KIRREL3: variants seen among roughly 807,000 people sequenced by gnomAD.
The protein encoded by KIRREL3 is kirre like nephrin family adhesion molecule 3, also known as kin of IRRE-like protein 3.
Under a neutral mutation model 89.7 loss-of-function variants are expected in KIRREL3, and 36 were observed. The ratio of observed to expected loss-of-function variants is 0.40; its 90% CI spans 0.31 to 0.53. The LOEUF (loss-of-function observed/expected upper bound fraction) is 0.53, where lower values mean the gene tolerates loss of function less well. Ranked by LOEUF, KIRREL3 falls within the 20% of genes least tolerant of loss-of-function variation. The pLI is 0.49. For synonymous variants in KIRREL3, 445 were observed against 441.4 expected, an observed-to-expected ratio of 1.01 and a Z score of -0.10; for missense variants, 864 against 1,056.6, an observed-to-expected ratio of 0.82 and a Z score of 2.53.
Position 126,496,292 on chromosome 11 carries a change from C to T in KIRREL3, c.434-22826G>A, listed in dbSNP as rs778761125. Among the ~76,000 whole-genome samples the T allele has an allele frequency of 2.0e-5, 3 of 152,198 alleles. No individual in the cohort carries two copies. The highest frequency in any genetic ancestry group is 6.5e-5 in the Admixed American group (1 of 15,288). Reference sequence around the variant, plus strand: ...CTGTTTGCAAAATGCTTTCTATACACGTTCATCTTTCTCTTTACCAGAACC... The same window carrying T: ...CTGTTTGCAAAATGCTTTCTATACATGTTCATCTTTCTCTTTACCAGAACC... On this transcript the variant is annotated intron_variant, in intron 4 of 16. Coordinates refer to ENST00000525144, the MANE Select transcript of KIRREL3 (RefSeq NM_032531.4). The surrounding 1 kb of genome is among the most constrained non-coding windows in gnomAD (Gnocchi z 4.9).
At chr11:126,437,461 C>T (rs1049042591) in intron 11 of KIRREL3, among the ~76,000 whole-genome samples, 1 of 152,118 alleles carries the variant, frequency 6.6e-6, no homozygotes, top group Non-Finnish European at 1.5e-5. Context: ...ACACACACAC[C>T]ACACTACAAA....
rs1398443557 is a variant in KIRREL3 at position 126,574,199 on chromosome 11, C to T, written c.56-11287G>A. On this transcript the variant is annotated intron_variant, in intron 1 of 16. Coordinates refer to ENST00000525144, the MANE Select transcript of KIRREL3 (RefSeq NM_032531.4). This position sits in a 1 kb window ranked among gnomAD's most constrained non-coding sequence, Gnocchi z 5.3. Reference sequence around the variant, plus strand: ...TTTAACCCTAAACATTTATGGAGGACACTGAGGATGAGAGAGGTTCCACAA... The same window carrying T: ...TTTAACCCTAAACATTTATGGAGGATACTGAGGATGAGAGAGGTTCCACAA... 6.6e-6 allele frequency among the ~76,000 whole-genome samples: 1 copy of T among 152,116 alleles called. No individual in the cohort carries two copies. The highest frequency in any genetic ancestry group is 1.5e-5 in the Non-Finnish European group (1 of 68,028).
In KIRREL3 at chr11:126,601,316, G is replaced by A. The variant is rs141288914; in HGVS notation, c.56-38404C>T. On this transcript the variant is annotated intron_variant, in intron 1 of 16. Coordinates refer to ENST00000525144, the MANE Select transcript of KIRREL3 (RefSeq NM_032531.4). This position sits in a 1 kb window ranked among gnomAD's most constrained non-coding sequence, Gnocchi z 5.8. ...GCAGAGAGACTGAGCGGCAGCCGTGGGCATCTTGGGTTTTGCAGCTCAGCC... is the reference window on the plus strand; with the variant it reads ...GCAGAGAGACTGAGCGGCAGCCGTGAGCATCTTGGGTTTTGCAGCTCAGCC... Among the ~76,000 whole-genome samples, 3 of 152,270 alleles carry A rather than the reference G, an allele frequency of 2.0e-5. No individual in the cohort carries two copies. In the East Asian group the frequency reaches 5.8e-4, roughly 29 times the overall value.
chr11:126,804,278 T>C (rs1951134381), intron 1 of KIRREL3, among the ~76,000 whole-genome samples: 1 of 152,222 alleles, frequency 6.6e-6, no homozygotes, highest in Non-Finnish European at 1.5e-5. Flanking sequence ...CAAGAATCTC[T>C]GAGTTCTGTG....
At position 126,790,236 on chromosome 11, in the gene KIRREL3, C is replaced by T. The variant is rs1950596715; in HGVS notation, c.55+210219G>A. 2.6e-5 allele frequency among the ~76,000 whole-genome samples: 4 copies of T among 152,316 alleles called. No homozygotes were observed. In the South Asian group the frequency reaches 6.2e-4, roughly 24 times the overall value. ...TGAGGTCACCGAACATTGCACTGGGCTTTAAGCATTCATTGACTGATTAGA... is the reference window on the plus strand; with the variant it reads ...TGAGGTCACCGAACATTGCACTGGGTTTTAAGCATTCATTGACTGATTAGA... On this transcript the variant is annotated intron_variant, in intron 1 of 16. Coordinates refer to ENST00000525144, the MANE Select transcript of KIRREL3 (RefSeq NM_032531.4).
At chr11:126,702,933 C>T (rs1947366273) in intron 1 of KIRREL3, among the ~76,000 whole-genome samples, 1 of 152,262 alleles carries the variant, frequency 6.6e-6, no homozygotes, top group Non-Finnish European at 1.5e-5. Flanking sequence ...CCATTCCTTG[C>T]AAGGTCAGCC....
intron 1 of KIRREL3, among the ~76,000 whole-genome samples, chr11:126,798,802 A>G (rs562637414): frequency 1.6e-4 from 25 of 152,360 alleles, no homozygotes; most frequent in African/African-American, 6.0e-4. Context: ...TGAGGAGGCA[A>G]AATGCTATAA....
chr11:126,662,385 G>A (rs749202226), intron 1 of KIRREL3, among the ~76,000 whole-genome samples: 3 of 152,226 alleles, frequency 2.0e-5, no homozygotes, highest in Non-Finnish European at 4.4e-5. Flanking sequence ...TAGTGTCTTA[G>A]TCCCTTCGTG....
intron 1 of KIRREL3, among the ~76,000 whole-genome samples, chr11:126,581,963 G>A (rs1941574243): frequency 6.6e-6 from 1 of 152,212 alleles, no homozygotes; most frequent in South Asian, 2.1e-4. Flanking sequence ...ACAAGGGCAT[G>A]TATTCATTGT....
chr11:126,498,989 CA>C lies in KIRREL3; in HGVS notation c.433+22325del, dbSNP rs1591637939. On this transcript the variant is annotated intron_variant, in intron 4 of 16. Transcript: ENST00000525144. The surrounding 1 kb of genome is among the most constrained non-coding windows in gnomAD (Gnocchi z 4.3). The stretch of plus-strand genomic sequence containing the variant: ...AGACCAGCTTGGGCAACATGGCCAG[CA>C]TTTAATGCAAAAATTAGCCAGGTGT... 1.3e-5 allele frequency among the ~76,000 whole-genome samples: 2 copies of C among 152,048 alleles called. No individual in the cohort carries two copies. The highest frequency in any genetic ancestry group is 4.8e-5 in the African/African-American group (2 of 41,402).
intron 2 of KIRREL3, among the ~76,000 whole-genome samples, chr11:126,529,607 A>C (rs1958879507): frequency 6.8e-6 from 1 of 147,540 alleles, no homozygotes. Flanking sequence ...GGTCTCAAAA[A>C]AAAAAAAAAA....
rs147218473 is a variant in KIRREL3 at position 126,456,057 on chromosome 11, T to TTTTTTTTTTTTTTTTTTC, written c.848+291_848+292insGAAAAAAAAAAAAAAAAA. On this transcript the variant is annotated intron_variant, in intron 7 of 16. Coordinates refer to ENST00000525144, the MANE Select transcript of KIRREL3 (RefSeq NM_032531.4). ...TGTTTTCGTTTTTTTTTTTTTTTTT[T>TTTTTTTTTTTTTTTTTTC]CCTGAGCCTTTTCCCCATGTTTGGA... Among the ~76,000 whole-genome samples the TTTTTTTTTTTTTTTTTTC allele has an allele frequency of 1.6e-4, 18 of 109,740 alleles. 1 individual carries two copies. The highest frequency in any genetic ancestry group is 2.1e-4 in the Non-Finnish European group (12 of 56,636). The allele number at this position is 109,740 out of a possible 152,430, so 72.0% of individuals were successfully genotyped here. A position where few individuals can be genotyped will look rare whatever the true frequency, so the allele number is the denominator to read the frequency against.
intron 1 of KIRREL3, among the ~76,000 whole-genome samples, chr11:126,824,924 G>A (rs1046632386): frequency 6.6e-6 from 1 of 152,146 alleles, no homozygotes; most frequent in East Asian, 1.9e-4. Context: ...GGCCCACAAG[G>A]AATTTCCTCT....
chr11:126,517,687 C>T (rs1958462726), intron 4 of KIRREL3, among the ~76,000 whole-genome samples: 1 of 152,192 alleles, frequency 6.6e-6, no homozygotes, highest in African/African-American at 2.4e-5. Flanking sequence ...GGAGGGATGG[C>T]CCAATTTCCT....
At chr11:126,596,284 A>AT (rs35378597) in intron 1 of KIRREL3, among the ~76,000 whole-genome samples, 48,566 of 152,136 alleles carry the variant, frequency 0.32, 7,960 homozygotes, top group Admixed American at 0.45. Flanking sequence ...GGCATATGGT[A>AT]GATGTTGAGT....
Position 126,609,258 on chromosome 11 carries a change from G to T in KIRREL3, c.56-46346C>A, listed in dbSNP as rs1221663991. On this transcript the variant is annotated intron_variant, in intron 1 of 16. Transcript: ENST00000525144. This position sits in a 1 kb window ranked among gnomAD's most constrained non-coding sequence, Gnocchi z 5.0. ...AGCCACACCTGTGAAGCTCCAGGCA[G>T]TTTCCCTAATGTCTCTCCTTAGCCT... 6.6e-6 allele frequency among the ~76,000 whole-genome samples: 1 copy of T among 152,202 alleles called. No individual in the cohort carries two copies. Among genetic ancestry groups the T allele is most frequent in the Non-Finnish European group, 1.5e-5 (1 of 68,042 alleles).
In KIRREL3 at chr11:126,664,365, C is replaced by T. The variant is rs189993931; in HGVS notation, c.56-101453G>A. Among the ~76,000 whole-genome samples the T allele has an allele frequency of 1.3e-3, 191 of 152,182 alleles. 1 individual carries two copies. Among genetic ancestry groups the T allele is most frequent in the African/African-American group, 4.5e-3 (185 of 41,518 alleles). On this transcript the variant is annotated intron_variant, in intron 1 of 16. Coordinates refer to ENST00000525144, the MANE Select transcript of KIRREL3 (RefSeq NM_032531.4). This position sits in a 1 kb window ranked among gnomAD's most constrained non-coding sequence, Gnocchi z 5.4. The stretch of plus-strand genomic sequence containing the variant: ...GACAGGCAGGGCAAGAGTAAGAGAG[C>T]AGGCACGCAGAGGCAGAGAGTGAAG...
chr11:126,703,647 T>C lies in KIRREL3; in HGVS notation c.56-140735A>G, dbSNP rs1947401568. Among the ~76,000 whole-genome samples, 1 of 152,216 alleles carries C rather than the reference T, an allele frequency of 6.6e-6. No homozygotes were observed. Among genetic ancestry groups the C allele is most frequent in the Non-Finnish European group, 1.5e-5 (1 of 68,040 alleles). ...GTTCACACTTTGTCTTCATTCATGA[T>C]ACAAAAGAGATGTCTGTTTTCCTGA... On this transcript the variant is annotated intron_variant, in intron 1 of 16. Coordinates refer to ENST00000525144, the MANE Select transcript of KIRREL3 (RefSeq NM_032531.4). The surrounding 1 kb of genome is among the most constrained non-coding windows in gnomAD (Gnocchi z 4.6).
intron 1 of KIRREL3, among the ~76,000 whole-genome samples, chr11:126,690,649 C>A (rs2135130803): frequency 6.6e-6 from 1 of 152,316 alleles, no homozygotes; most frequent in Non-Finnish European, 1.5e-5. Context: ...GTGAATTCTC[C>A]AGTTGGCAAA....
Sources: allele counts gnomAD v4.1 joint callset (sites outside exome capture counted in the v4.1 genomes callset), GRCh38; gene constraint gnomAD v4.1.1; non-coding constraint Gnocchi (gnomAD v3.1); transcripts MANE v1.5; gene names NCBI Gene and HGNC (gene_info 2026-07-23, HGNC 2026-07-21).